TEAD4: variants seen among roughly 807,000 people sequenced by gnomAD.
TEAD4 encodes the protein TEA domain transcription factor 4, also known as transcriptional enhancer factor TEF-3.
A neutral mutation model predicts 52.4 loss-of-function variants in TEAD4; 36 were observed. The observed-to-expected ratio is 0.69, with a 90% CI of 0.53 to 0.91. The LOEUF (loss-of-function observed/expected upper bound fraction) is 0.91. Among genes scored for constraint, TEAD4 ranks in the 40% least tolerant of loss-of-function variants. TEAD4 has a pLI of 0.00. For synonymous variants in TEAD4, 220 were observed against 231.0 expected (o/e 0.95, Z 0.43); for missense variants, 508 against 583.9 (o/e 0.87, Z 1.34).
chr12:3,006,063 T>C (rs949939101), intron 3 of TEAD4, among the ~76,000 whole-genome samples: 3 of 152,210 alleles, frequency 2.0e-5, no homozygotes, highest in Admixed American at 2.0e-4. Flanking sequence ...ATGATAAGTA[T>C]TTGAAATGAT....
At chr12:3,001,918 C>G (rs888861782) in intron 3 of TEAD4, among the ~76,000 whole-genome samples, 5 of 152,004 alleles carry the variant, frequency 3.3e-5, no homozygotes, top group African/African-American at 9.7e-5. Context: ...CAGTGAAACC[C>G]GTCTCTACTA....
At position 3,014,299 on chromosome 12, in the gene TEAD4, G is replaced by A. The variant is rs191628189; in HGVS notation, c.354+2067G>A. On this transcript the variant is annotated intron_variant, in intron 5 of 12. Coordinates refer to ENST00000359864, the MANE Select transcript of TEAD4 (RefSeq NM_003213.4). ...CTGGGTTTAGGGCAATCCCTTGGGG[G>A]CCGGCTGTGTGGCCCACATTTGCTT... is the stretch of plus-strand genomic sequence containing the variant. Among the ~76,000 whole-genome samples, 39 of 152,342 alleles carry A rather than the reference G, an allele frequency of 2.6e-4. No homozygotes were observed. In the East Asian group the frequency reaches 5.8e-3, roughly 23 times the overall value.
intron 10 of TEAD4, among the ~76,000 whole-genome samples, chr12:3,036,168 A>G (rs979877469): frequency 1.3e-5 from 2 of 152,310 alleles, no homozygotes; most frequent in African/African-American, 4.8e-5. Context: ...AAGCCGAGGC[A>G]GGTGCACTGA....
At chr12:2,986,554 C>T (rs1022971788) in intron 2 of TEAD4, among the ~76,000 whole-genome samples, 3 of 151,648 alleles carry the variant, frequency 2.0e-5, no homozygotes, top group Non-Finnish European at 2.9e-5. Flanking sequence ...TCACGAGAAT[C>T]GCTTGACCTC....
chr12:3,038,029 A>G lies in TEAD4; in HGVS notation c.959A>G (p.Tyr320Cys). 4 of 1,614,136 alleles carry G rather than the reference A, an allele frequency of 2.5e-6. No homozygotes were observed. Among genetic ancestry groups the G allele is most frequent in the Admixed American group, 1.7e-5 (1 of 60,022 alleles). The stretch of plus-strand genomic sequence containing the variant: ...TCCTTCTATGGGGTCTCCAGCCAGT[A>G]TGAGAGCCCCGAGAACATGATCATC... Residue 320 changes from tyrosine to cysteine, a missense_variant, in exon 11 of 13, where the codon TAT becomes TGT. Coordinates refer to ENST00000359864, the MANE Select transcript of TEAD4 (RefSeq NM_003213.4).
chr12:3,009,417 C>T (rs549740666), intron 3 of TEAD4, among the ~76,000 whole-genome samples: 101 of 152,136 alleles, frequency 6.6e-4, no homozygotes, highest in African/African-American at 2.4e-3. Context: ...GGGACAAGAG[C>T]GAGACTTCGT....
chr12:3,005,906 G>A (rs2098255565), intron 3 of TEAD4, among the ~76,000 whole-genome samples: 1 of 152,158 alleles, frequency 6.6e-6, no homozygotes, highest in Admixed American at 6.5e-5. Flanking sequence ...CCAAAGTGCT[G>A]GGGTTATAGG....
chr12:3,004,964 G>A (rs746187892), intron 3 of TEAD4, among the ~76,000 whole-genome samples: 10 of 152,168 alleles, frequency 6.6e-5, no homozygotes, highest in African/African-American at 1.4e-4. Flanking sequence ...CTCAACTGCC[G>A]GCATCACCCC....
At chr12:2,973,922 G>A (rs113627219) in intron 2 of TEAD4, among the ~76,000 whole-genome samples, 2 of 152,316 alleles carry the variant, frequency 1.3e-5, no homozygotes, top group African/African-American at 4.8e-5. Context: ...CAGAATCAGT[G>A]GGGGTGAGTT....
chr12:3,036,477 G>T (rs2098279511), intron 10 of TEAD4, among the ~76,000 whole-genome samples: 1 of 152,186 alleles, frequency 6.6e-6, no homozygotes, highest in Non-Finnish European at 1.5e-5. Context: ...ATTGCTTGGT[G>T]CCTGGCTCTG....
intron 2 of TEAD4, among the ~76,000 whole-genome samples, chr12:2,970,686 G>C (rs2098224303): frequency 6.6e-6 from 1 of 152,202 alleles, no homozygotes; most frequent in Admixed American, 6.5e-5. Flanking sequence ...ACTCTTTGCT[G>C]TGAAGAGCAC....
intron 3 of TEAD4, among the ~76,000 whole-genome samples, chr12:2,999,421 G>T (rs2098249854): frequency 6.6e-6 from 1 of 152,222 alleles, no homozygotes; most frequent in African/African-American, 2.4e-5. Flanking sequence ...TTGAGGACAG[G>T]GGTTAGGCCT....
chr12:3,012,124 C>G (rs1344404413), intron 4 of TEAD4, 46 bp from the exon 5 acceptor site: 1 of 1,604,572 alleles, frequency 6.2e-7, no homozygotes, highest in Admixed American at 1.7e-5. Flanking sequence ...CTGGGGAACA[C>G]AGGTTGTTGG....
In TEAD4 at chr12:2,984,336, TG is replaced by T. The variant is rs754529017; in HGVS notation, c.-29-10398del. On this transcript the variant is annotated intron_variant, in intron 2 of 12. Coordinates refer to ENST00000359864, the MANE Select transcript of TEAD4 (RefSeq NM_003213.4). The stretch of plus-strand genomic sequence containing the variant: ...TTTGCATTTTAGAAAAATCACTGGC[TG>T]GGGTGAAGAGATTATGGAGCCTGAA... Among the ~76,000 whole-genome samples, 64 of 152,256 alleles carry T rather than the reference TG, an allele frequency of 4.2e-4. No individual in the cohort carries two copies. The Middle Eastern group carries it at 0.014, about 32-fold the overall frequency.
chr12:3,034,882 C>T (rs182377898), intron 10 of TEAD4, among the ~76,000 whole-genome samples: 1 of 152,040 alleles, frequency 6.6e-6, no homozygotes, highest in African/African-American at 2.4e-5. Context: ...TCACTTGAGG[C>T]CAGGAGTTCG....
intron 2 of TEAD4, among the ~76,000 whole-genome samples, chr12:2,983,625 T>C (rs1307799832): frequency 6.6e-6 from 1 of 152,204 alleles, no homozygotes; most frequent in African/African-American, 2.4e-5. Context: ...ACACTTCCAT[T>C]CTACAAGCCT....
At chr12:2,975,981 A>T (rs2098229330) in intron 2 of TEAD4, among the ~76,000 whole-genome samples, 1 of 147,918 alleles carries the variant, frequency 6.8e-6, no homozygotes, top group African/African-American at 2.5e-5. Context: ...TACGCATTTG[A>T]GTTTCCTCCA....
At chr12:3,016,384 C>T (rs535860808) in intron 5 of TEAD4, among the ~76,000 whole-genome samples, 2 of 152,132 alleles carry the variant, frequency 1.3e-5, no homozygotes, top group Non-Finnish European at 2.9e-5. Context: ...CATTTAGCCC[C>T]GATAAAGCTG....
chr12:3,016,266 G>A (rs139002072), intron 5 of TEAD4, among the ~76,000 whole-genome samples: 210 of 152,166 alleles, frequency 1.4e-3, no homozygotes, highest in Non-Finnish European at 2.3e-3. Context: ...GGGCTCAAGC[G>A]ATCTACCAAC....
Sources: allele counts gnomAD v4.1 joint callset (sites outside exome capture counted in the v4.1 genomes callset), GRCh38; gene constraint gnomAD v4.1.1; transcripts MANE v1.5; gene names NCBI Gene and HGNC (gene_info 2026-07-23, HGNC 2026-07-21).